RPH3A: variants seen among roughly 807,000 people sequenced by gnomAD.
RPH3A encodes rabphilin-3A.
A neutral mutation model predicts 102.2 loss-of-function variants in RPH3A; 48 were observed. The observed-to-expected ratio is 0.47, with a 90% CI of 0.37 to 0.60. The LOEUF (loss-of-function observed/expected upper bound fraction) is 0.60. Among genes scored for constraint, RPH3A ranks in the 20% least tolerant of loss-of-function variants. RPH3A has a pLI of 0.00. For synonymous variants in RPH3A, 310 were observed against 324.3 expected (o/e 0.96, Z 0.47); for missense variants, 781 against 910.1 (o/e 0.86, Z 1.83).
intron 1 of RPH3A, among the ~76,000 whole-genome samples, chr12:112,776,675 C>T (rs1229662157): frequency 1.3e-5 from 2 of 151,812 alleles, no homozygotes; most frequent in Non-Finnish European, 2.9e-5. Flanking sequence ...GAGGTCAAGA[C>T]CATCCTGGCT....
chr12:112,751,307 C>T (rs2040784646), intron 1 of RPH3A, among the ~76,000 whole-genome samples: 1 of 152,150 alleles, frequency 6.6e-6, no homozygotes, highest in Non-Finnish European at 1.5e-5. Context: ...GCAGGCAGTA[C>T]AGTGCTATGA....
intron 1 of RPH3A, among the ~76,000 whole-genome samples, chr12:112,650,457 C>T (rs1487420266): frequency 6.6e-6 from 1 of 152,188 alleles, no homozygotes; most frequent in Non-Finnish European, 1.5e-5. Flanking sequence ...TGAACTAAGG[C>T]TTCCTTATCA....
At chr12:112,680,990 C>T (rs1265974738) in intron 1 of RPH3A, among the ~76,000 whole-genome samples, 2 of 152,110 alleles carry the variant, frequency 1.3e-5, no homozygotes, top group East Asian at 1.9e-4. Context: ...GCTCCCAAAC[C>T]GTTATTTGGT....
At chr12:112,869,850 C>A (rs2042676092) in intron 9 of RPH3A, 43 bp from the exon 10 acceptor site, 1 of 1,613,988 alleles carries the variant, frequency 6.2e-7, no homozygotes, top group Non-Finnish European at 8.5e-7. Context: ...CACCTAATTC[C>A]CTCGATGCCC....
chr12:112,781,889 A>G (rs1355979604), intron 1 of RPH3A, among the ~76,000 whole-genome samples: 1 of 152,262 alleles, frequency 6.6e-6, no homozygotes, highest in Non-Finnish European at 1.5e-5. Context: ...TCTAGAAAAC[A>G]TGGAGTTTCT....
intron 1 of RPH3A, among the ~76,000 whole-genome samples, chr12:112,668,650 G>A (rs191782495): frequency 1.7e-3 from 253 of 152,212 alleles, no homozygotes; most frequent in African/African-American, 5.9e-3. Context: ...CAAACACCAG[G>A]CCTGTCGGGT....
chr12:112,740,474 T>C (rs547033444), intron 1 of RPH3A, among the ~76,000 whole-genome samples: 107 of 152,286 alleles, frequency 7.0e-4, no homozygotes, highest in African/African-American at 2.4e-3. Context: ...TTTGCCCTTC[T>C]CTCTTCCTCC....
chr12:112,842,625 G>C (rs1374089402), intron 4 of RPH3A, among the ~76,000 whole-genome samples: 1 of 152,232 alleles, frequency 6.6e-6, no homozygotes, highest in Non-Finnish European at 1.5e-5. Flanking sequence ...TACTCTGCCA[G>C]CAGCTAGCTA....
chr12:112,787,348 CAG>C (rs999412527), upstream of RPH3A, among the ~76,000 whole-genome samples: 1 of 152,160 alleles, frequency 6.6e-6, no homozygotes, highest in African/African-American at 2.4e-5. Flanking sequence ...CCTTGGGAGA[CAG>C]AAAAGCACAG....
At chr12:112,775,166 AC>A (rs2040957260) in intron 1 of RPH3A, among the ~76,000 whole-genome samples, 1 of 152,164 alleles carries the variant, frequency 6.6e-6, no homozygotes, top group Non-Finnish European at 1.5e-5. Context: ...GCCCATGTTT[AC>A]CTATGTAACA....
chr12:112,891,176 G>A (rs3741982), intron 19 of RPH3A, 173 bp downstream of exon 19: 247,105 of 695,880 alleles, frequency 0.36, 47,093 homozygotes, highest in East Asian at 0.51. Flanking sequence ...ATGTGGGTCT[G>A]GAGTCTCAGG....
chr12:112,689,364 A>C (rs745646952), intron 1 of RPH3A, among the ~76,000 whole-genome samples: 1 of 152,232 alleles, frequency 6.6e-6, no homozygotes, highest in Non-Finnish European at 1.5e-5. Context: ...AGAGAAACTG[A>C]GAATCCAAAT....
At chr12:112,617,122 G>A (rs913179465) in intron 1 of RPH3A, among the ~76,000 whole-genome samples, 2 of 152,174 alleles carry the variant, frequency 1.3e-5, no homozygotes, top group Admixed American at 1.3e-4. Context: ...CTCTCTCCCT[G>A]TTTGAAGCAC....
At chr12:112,776,154 C>T (rs1484759565) in intron 1 of RPH3A, among the ~76,000 whole-genome samples, 1 of 152,304 alleles carries the variant, frequency 6.6e-6, no homozygotes, top group East Asian at 1.9e-4. Context: ...ATCATTTAAT[C>T]ATTCATTTAC....
intron 1 of RPH3A, among the ~76,000 whole-genome samples, chr12:112,645,840 G>C (rs187558681): frequency 1.3e-5 from 2 of 152,320 alleles, no homozygotes; most frequent in Non-Finnish European, 2.9e-5. Context: ...GCAGAGATGA[G>C]AGCAGACAGC....
chr12:112,661,396 G>A (rs2040047714), intron 1 of RPH3A, among the ~76,000 whole-genome samples: 1 of 152,182 alleles, frequency 6.6e-6, no homozygotes. Flanking sequence ...TGACAAGGGG[G>A]ATAACTACAG....
At chr12:112,731,181 AT>A (rs1050852826) in intron 1 of RPH3A, among the ~76,000 whole-genome samples, 2 of 118,964 alleles carry the variant, frequency 1.7e-5, no homozygotes, top group Admixed American at 8.4e-5. Flanking sequence ...AGTTCATTTC[AT>A]TTGATGGTGT....
chr12:112,657,720 A>C (rs562096963), intron 1 of RPH3A, among the ~76,000 whole-genome samples: 2 of 152,338 alleles, frequency 1.3e-5, no homozygotes, highest in Admixed American at 6.5e-5. Flanking sequence ...AGTCCAAAAA[A>C]CAAAATGAAT....
At chr12:112,869,642 T>C (rs1265522437) in intron 8 of RPH3A, 117 bp from the exon 9 acceptor site, 3 of 1,022,692 alleles carry the variant, frequency 2.9e-6, no homozygotes, top group Admixed American at 2.3e-5. Context: ...AGACTTTTAA[T>C]TTTTAAAACA....
Sources: allele counts gnomAD v4.1 joint callset (sites outside exome capture counted in the v4.1 genomes callset), GRCh38; gene constraint gnomAD v4.1.1; transcripts MANE v1.5; gene names NCBI Gene and HGNC (gene_info 2026-07-23, HGNC 2026-07-21).